The following LMNA variants were observed in gnomAD, a reference collection of about 807,000 sequenced individuals.
LMNA encodes the protein lamin.
A neutral mutation model predicts 70.4 loss-of-function variants in LMNA; 20 were observed. The observed-to-expected ratio is 0.28, with a 90% CI of 0.20 to 0.41. LMNA has a LOEUF of 0.41. Among genes scored for constraint, LMNA ranks in the 10% least tolerant of loss-of-function variants. LMNA has a pLI of 1.00. For synonymous variants in LMNA, 339 were observed against 372.8 expected (o/e 0.91, Z 1.04); for missense variants, 652 against 917.2 (o/e 0.71, Z 3.73).
In LMNA at chr1:156,138,793, G is replaced by T; in HGVS notation, c.1968+36G>T. ...TCTGCTTTGTCTCCAAATCCTGCAGGCGGGTCCCTGGTCATCGAGGGGTAG... is the reference window on the plus strand; with the variant it reads ...TCTGCTTTGTCTCCAAATCCTGCAGTCGGGTCCCTGGTCATCGAGGGGTAG... On this transcript the variant is annotated intron_variant, in intron 11 of 11. Coordinates refer to ENST00000368300, the MANE Select transcript of LMNA (RefSeq NM_170707.4). The surrounding 1 kb of genome is among the most constrained non-coding windows in gnomAD (Gnocchi z 5.5). 6.2e-7 allele frequency: 1 copy of T among 1,612,922 alleles called. No individual in the cohort carries two copies. Among genetic ancestry groups the T allele is most frequent in the Non-Finnish European group, 8.5e-7 (1 of 1,179,932 alleles).
chr1:156,118,694 A>C (rs1649997152), intron 1 of LMNA, among the ~76,000 whole-genome samples: 1 of 152,252 alleles, frequency 6.6e-6, no homozygotes, highest in East Asian at 1.9e-4. Flanking sequence ...AGAGTAAAGA[A>C]TTTGGGAGAG....
chr1:156,094,849 T>C (rs1648861464), intron 3 of LMNA, among the ~76,000 whole-genome samples: 1 of 151,752 alleles, frequency 6.6e-6, no homozygotes, highest in African/African-American at 2.4e-5. Context: ...AACCTCCGCC[T>C]CCTGGGTTCA....
Position 156,114,922 on chromosome 1 carries a change from G to C in LMNA, c.4G>C (p.Glu2Gln). The C allele has an allele frequency of 6.4e-7, 1 of 1,551,986 alleles. No homozygotes were observed. ...CAGCGCTGCCAACCTGCCGGCCATG[G>C]AGACCCCGTCCCAGCGGCGCGCCAC... M[E>Q]TPSQRRATRS... The change falls in exon 1 of 12, where the codon GAG (glutamate) becomes CAG (glutamine). Residue 2 changes from glutamate (E) to glutamine (Q), a missense_variant. Glu to Gln is a conservative substitution (Grantham distance 29). Around this residue, in one of 4 missense-constraint regions of LMNA, gnomAD observed 254 missense variants for 421.9 expected, o/e 0.60. Transcript: ENST00000368300.
chr1:156,127,841 C>T (rs548201145), intron 1 of LMNA, among the ~76,000 whole-genome samples: 1 of 152,214 alleles, frequency 6.6e-6, no homozygotes, highest in East Asian at 1.9e-4. Context: ...CGTGCACCAC[C>T]TTGCCCGACT....
intron 3 of LMNA, among the ~76,000 whole-genome samples, chr1:156,097,892 C>A (rs1648996692): frequency 6.6e-6 from 1 of 152,188 alleles, no homozygotes; most frequent in South Asian, 2.1e-4. Context: ...ATGGTAGCTC[C>A]CCCACCGTTT....
At position 156,135,330 on chromosome 1, in the gene LMNA, C is replaced by G; in HGVS notation, c.936+18C>G. The stretch of plus-strand genomic sequence containing the variant: ...AGAAGCAGGTGATACCCCACCTCAC[C>G]CCTCTCTCCAGGGGCCTAGAGTCTG... On this transcript the variant is annotated intron_variant, in intron 5 of 11. Transcript: ENST00000368300. The surrounding 1 kb of genome is among the most constrained non-coding windows in gnomAD (Gnocchi z 4.8). 6.2e-7 allele frequency: 1 copy of G among 1,611,742 alleles called. No individual in the cohort carries two copies. The highest frequency in any genetic ancestry group is 2.2e-5 in the East Asian group (1 of 44,836).
At chr1:156,108,981 G>T (rs1402688873) in intron 3 of LMNA, among the ~76,000 whole-genome samples, 1 of 152,130 alleles carries the variant, frequency 6.6e-6, no homozygotes. Flanking sequence ...TGACAACAGA[G>T]AATTATCTGG....
At chr1:156,126,690 C>T (rs765618224) in intron 1 of LMNA, 36 of 1,512,882 alleles carry the variant, frequency 2.4e-5, no homozygotes, top group Non-Finnish European at 3.1e-5. Flanking sequence ...TTCTTTTCCT[C>T]TCTGTTCCCC....
intron 1 of LMNA, among the ~76,000 whole-genome samples, chr1:156,116,298 T>C (rs1012905696): frequency 6.6e-6 from 1 of 152,208 alleles, no homozygotes; most frequent in African/African-American, 2.4e-5. Context: ...ATCCAGCCGT[T>C]GGAAGATTCA....
chr1:156,087,334 C>T (rs1181522346), intron 2 of LMNA, among the ~76,000 whole-genome samples: 2 of 151,614 alleles, frequency 1.3e-5, no homozygotes, highest in South Asian at 2.1e-4. Context: ...ACCTCCGCCT[C>T]CCAGGTTCAA....
upstream of LMNA, among the ~76,000 whole-genome samples, chr1:156,113,209 C>T (rs938252821): frequency 2.6e-5 from 4 of 152,034 alleles, no homozygotes; most frequent in African/African-American, 9.7e-5. Flanking sequence ...GAGGCTGAGG[C>T]AGGAGAATCT....
At chr1:156,114,134 T>G (rs1301957854), upstream of LMNA, among the ~76,000 whole-genome samples, 1 of 152,140 alleles carries the variant, frequency 6.6e-6, no homozygotes, top group African/African-American at 2.4e-5. Context: ...TCCAGAACTT[T>G]GCTCCCCCCA....
Sources: gnomAD v4.1 joint callset for allele counts (sites outside exome capture counted in the v4.1 genomes callset) on GRCh38, gnomAD v4.1.1 for gene constraint, gnomAD v4.1.1 regional missense constraint, Gnocchi (gnomAD v3.1) non-coding constraint, MANE v1.5 for transcripts, NCBI Gene and HGNC (gene_info 2026-07-23, HGNC 2026-07-21) for gene names.